The following PLXNA4 variants were observed in gnomAD, a reference collection of about 807,000 sequenced individuals.
PLXNA4 encodes plexin-A4.
Under a neutral mutation model 191.8 loss-of-function variants are expected in PLXNA4, and 44 were observed. The ratio of observed to expected loss-of-function variants is 0.23; its 90% CI spans 0.18 to 0.29. The LOEUF is 0.29. Ranked by LOEUF, PLXNA4 falls within the 10% of genes least tolerant of loss-of-function variation. The probability of loss-of-function intolerance (pLI) is 1.00; values close to 1 mark genes in which losing one functional copy is unlikely to be tolerated. For synonymous variants in PLXNA4, 1,082 were observed against 1,009.5 expected, an observed-to-expected ratio of 1.07 and a Z score of -1.36; for missense variants, 1,800 against 2,488.8, an observed-to-expected ratio of 0.72 and a Z score of 5.89.
chr7:132,568,716 G>T (rs879289599), intron 1 of PLXNA4, among the ~76,000 whole-genome samples: 2 of 152,186 alleles, frequency 1.3e-5, no homozygotes, highest in Non-Finnish European at 2.9e-5. Context: ...GGAAGCAGAG[G>T]CTGACCCTAC....
intron 4 of PLXNA4, among the ~76,000 whole-genome samples, chr7:132,273,951 T>C (rs1800174007): frequency 6.6e-6 from 1 of 151,906 alleles, no homozygotes; most frequent in East Asian, 1.9e-4. Flanking sequence ...TGTCATTCAG[T>C]TGGTGAATGG....
At chr7:132,238,909 C>T (rs189782657) in intron 5 of PLXNA4, among the ~76,000 whole-genome samples, 112 of 152,308 alleles carry the variant, frequency 7.4e-4, no homozygotes, top group East Asian at 7.7e-4. Context: ...CCACAGCTCA[C>T]CAGTCATTGG....
intron 1 of PLXNA4, among the ~76,000 whole-genome samples, chr7:132,510,938 C>T (rs1456099965): frequency 6.6e-6 from 1 of 152,182 alleles, no homozygotes; most frequent in Non-Finnish European, 1.5e-5. Context: ...CTGAAATGCA[C>T]AGTGTTGAAG....
intron 3 of PLXNA4, among the ~76,000 whole-genome samples, chr7:132,329,653 C>T (rs1008554082): frequency 3.3e-5 from 5 of 152,132 alleles, no homozygotes; most frequent in African/African-American, 9.7e-5. Context: ...AAAATAATAA[C>T]TCACAAGTCC....
chr7:132,621,235 G>GTT (rs1291927451), intron 2 of PLXNA4, among the ~76,000 whole-genome samples: 1 of 137,390 alleles, frequency 7.3e-6, no homozygotes, highest in Non-Finnish European at 1.6e-5. Context: ...TTAATCTCTT[G>GTT]GTTTTTTTTT....
At chr7:132,323,556 T>G (rs1802257044) in intron 3 of PLXNA4, among the ~76,000 whole-genome samples, 1 of 152,180 alleles carries the variant, frequency 6.6e-6, no homozygotes, top group African/African-American at 2.4e-5. Context: ...AAAATAGGTC[T>G]GCTAGATCTT....
chr7:132,467,728 C>A (rs1157031359), intron 3 of PLXNA4, among the ~76,000 whole-genome samples: 1 of 152,192 alleles, frequency 6.6e-6, no homozygotes, highest in Admixed American at 6.5e-5. Flanking sequence ...AGAATATTCC[C>A]ATAGGTGGTA....
intron 2 of PLXNA4, among the ~76,000 whole-genome samples, chr7:132,497,590 C>T (rs1210635927): frequency 6.6e-6 from 1 of 152,136 alleles, no homozygotes. Context: ...TCAAAAAGAC[C>T]TGACTATCCA....
Position 132,480,820 on chromosome 7 carries a change from C to G in PLXNA4, c.1371+8472G>C, listed in dbSNP as rs539545224. ...CTCAGAAGGAAATTGCCCGTGGAGG[C>G]AGGTTGGTGATGTGAGAGCAGCCAT... On this transcript the variant is annotated intron_variant, in intron 3 of 31. Transcript: ENST00000321063. Among the ~76,000 whole-genome samples the G allele has an allele frequency of 6.6e-5, 10 of 152,288 alleles. No homozygotes were observed. In the South Asian group the frequency reaches 2.1e-3, roughly 32 times the overall value.
intron 4 of PLXNA4, among the ~76,000 whole-genome samples, chr7:132,278,495 G>A (rs1037712823): frequency 3.3e-5 from 5 of 152,054 alleles, no homozygotes; most frequent in Admixed American, 6.6e-5. Flanking sequence ...TCAACTAAGC[G>A]CCTACCACCA....
chr7:132,165,096 C>T lies in PLXNA4; in HGVS notation c.4353+38G>A, dbSNP rs201227473. 123 of 1,601,110 alleles carry T rather than the reference C, an allele frequency of 7.7e-5. No individual in the cohort carries two copies. The African/African-American group carries it at 1.3e-3, about 17-fold the overall frequency. ...CCCCAGTCAGGCTGCAGAGAATGAA[C>T]GAGGCAAGGCCAGAAATACGTCCAC... is the stretch of plus-strand genomic sequence containing the variant. On this transcript the variant is annotated intron_variant, in intron 23 of 31. Transcript: ENST00000321063.
chr7:132,278,286 A>T (rs1800351581), intron 4 of PLXNA4, among the ~76,000 whole-genome samples: 1 of 152,190 alleles, frequency 6.6e-6, no homozygotes, highest in African/African-American at 2.4e-5. Context: ...GGGCAGTAAA[A>T]GGGAAAGAAT....
At chr7:132,132,465 CTGCTCTGCTCTGCTCTG>C (rs1794980489) in intron 31 of PLXNA4, among the ~76,000 whole-genome samples, 1 of 28,770 alleles carries the variant, frequency 3.5e-5, no homozygotes, top group Non-Finnish European at 7.6e-5. Flanking sequence ...CTGTTCTGTT[CTGCTCTGCTCTGCTCTG>C]CTCTGCTCTA....
intron 3 of PLXNA4, among the ~76,000 whole-genome samples, chr7:132,308,328 C>T (rs1021715185): frequency 1.3e-5 from 2 of 152,202 alleles, no homozygotes; most frequent in Admixed American, 6.5e-5. Context: ...GCCACAACTT[C>T]TTTGGATAGC....
At chr7:132,264,842 C>A (rs563462273) in intron 4 of PLXNA4, among the ~76,000 whole-genome samples, 1 of 152,004 alleles carries the variant, frequency 6.6e-6, no homozygotes, top group African/African-American at 2.4e-5. Flanking sequence ...GGATTACAGG[C>A]GCCTGCCACC....
At chr7:132,300,365 T>C (rs1801258153) in intron 3 of PLXNA4, among the ~76,000 whole-genome samples, 1 of 152,220 alleles carries the variant, frequency 6.6e-6, no homozygotes, top group Non-Finnish European at 1.5e-5. Flanking sequence ...GTCTGTACAA[T>C]TCCTGAGACT....
intron 3 of PLXNA4, among the ~76,000 whole-genome samples, chr7:132,398,587 T>TGGGCTCCA (rs1793855165): frequency 6.6e-6 from 1 of 152,206 alleles, no homozygotes; most frequent in African/African-American, 2.4e-5. Flanking sequence ...TTTAAGAGCC[T>TGGGCTCCA]GGGCTCCAGG....
intron 4 of PLXNA4, among the ~76,000 whole-genome samples, chr7:132,252,058 G>A (rs1020890580): frequency 1.3e-5 from 2 of 152,016 alleles, no homozygotes; most frequent in Non-Finnish European, 2.9e-5. Context: ...AATCATCTTC[G>A]TTTCACCCTA....
chr7:132,460,274 C>A (rs1042587362), intron 3 of PLXNA4, among the ~76,000 whole-genome samples: 1 of 151,776 alleles, frequency 6.6e-6, no homozygotes, highest in East Asian at 1.9e-4. Context: ...TGGGAGGATC[C>A]CTTGAGCCCG....
Sources: allele counts gnomAD v4.1 joint callset (sites outside exome capture counted in the v4.1 genomes callset), GRCh38; gene constraint gnomAD v4.1.1; transcripts MANE v1.5; gene names NCBI Gene and HGNC (gene_info 2026-07-23, HGNC 2026-07-21).